The following FGGY variants were observed in gnomAD, a reference collection of about 807,000 sequenced individuals.
FGGY encodes FGGY carbohydrate kinase domain containing.
FGGY carries 72 observed loss-of-function variants against 71.3 expected under a neutral mutation model. The observed-to-expected ratio is 1.01, with a 90% confidence interval of 0.84 to 1.23. The LOEUF (loss-of-function observed/expected upper bound fraction) is 1.23, where lower values mean the gene tolerates loss of function less well. Among genes scored for constraint, FGGY ranks in the 50% most tolerant of loss-of-function variants. The probability of loss-of-function intolerance (pLI) is 0.00; values close to 1 mark genes in which losing one functional copy is unlikely to be tolerated. For missense variants in FGGY, 668 were observed against 682.3 expected, an observed-to-expected ratio of 0.98 and a Z score of 0.23; for synonymous variants, 251 against 250.3, an observed-to-expected ratio of 1.00 and a Z score of -0.02.
intron 1 of FGGY, chr1:59,316,079 T>C (rs1180392751): frequency 6.6e-6 from 1 of 152,202 alleles, no homozygotes; most frequent in Non-Finnish European, 1.5e-5. Flanking sequence ...TGGTATTCAG[T>C]CATTTCTATT....
intron 7 of FGGY, among the ~76,000 whole-genome samples, chr1:59,515,120 A>C (rs1028531774): frequency 6.6e-6 from 1 of 152,114 alleles, no homozygotes; most frequent in African/African-American, 2.4e-5. Context: ...GCAAAGCCAC[A>C]GAGGCAGCGC....
At chr1:59,344,713 C>A (rs1381398070) in intron 3 of FGGY, among the ~76,000 whole-genome samples, 1 of 152,226 alleles carries the variant, frequency 6.6e-6, no homozygotes, top group East Asian at 1.9e-4. Flanking sequence ...CAGATAATCT[C>A]TAGGTTACTT....
At chr1:59,342,135 G>T (rs1372081826) in intron 3 of FGGY, among the ~76,000 whole-genome samples, 1 of 152,038 alleles carries the variant, frequency 6.6e-6, no homozygotes, top group Non-Finnish European at 1.5e-5. Context: ...TTTTTATTCT[G>T]GCTGTGCATT....
intron 9 of FGGY, among the ~76,000 whole-genome samples, chr1:59,612,017 G>C (rs1200112006): frequency 1.3e-5 from 2 of 152,176 alleles, no homozygotes; most frequent in African/African-American, 2.4e-5. Flanking sequence ...CCAAATCTAC[G>C]TCTGATTAGT....
At chr1:59,390,119 T>C (rs2060524002) in intron 5 of FGGY, among the ~76,000 whole-genome samples, 1 of 152,180 alleles carries the variant, frequency 6.6e-6, no homozygotes, top group South Asian at 2.1e-4. Context: ...GCTTATTTTT[T>C]AGTATATTTA....
intron 7 of FGGY, among the ~76,000 whole-genome samples, chr1:59,539,908 A>G (rs2095413392): frequency 6.6e-6 from 1 of 152,234 alleles, no homozygotes; most frequent in Admixed American, 6.5e-5. Flanking sequence ...GAAAAGAACA[A>G]TTATTTTGAC....
chr1:59,490,164 C>T (rs901619901), intron 6 of FGGY, among the ~76,000 whole-genome samples: 1 of 152,116 alleles, frequency 6.6e-6, no homozygotes, highest in Non-Finnish European at 1.5e-5. Flanking sequence ...GATCTTCCCA[C>T]CTCAGCTTCC....
At chr1:59,567,022 T>A (rs573564166) in intron 8 of FGGY, among the ~76,000 whole-genome samples, 134 of 152,244 alleles carry the variant, frequency 8.8e-4, no homozygotes, top group African/African-American at 3.1e-3. Context: ...CGTTAAATAA[T>A]AGATATATAC....
At chr1:59,670,991 G>A (rs1027028490) in intron 13 of FGGY, among the ~76,000 whole-genome samples, 17 of 152,122 alleles carry the variant, frequency 1.1e-4, no homozygotes, top group Non-Finnish European at 1.6e-4. Flanking sequence ...TTCAGTAGGG[G>A]TTTCCCTCTT....
chr1:59,477,991 G>A lies in FGGY; in HGVS notation c.670+20915G>A, dbSNP rs1374712981. On this transcript the variant is annotated intron_variant, in intron 6 of 15. Transcript: ENST00000303721. Reference sequence around the variant, plus strand: ...GAGTAATGGAAATAACATGAGTTTTGGAGCCAGATATACATGAGTTTGAAT... The same window carrying A: ...GAGTAATGGAAATAACATGAGTTTTAGAGCCAGATATACATGAGTTTGAAT... 5.3e-5 allele frequency among the ~76,000 whole-genome samples: 8 copies of A among 152,056 alleles called. No homozygotes were observed. The East Asian group carries it at 1.4e-3, about 26-fold the overall frequency.
intron 5 of FGGY, among the ~76,000 whole-genome samples, chr1:59,437,804 GAACT>G (rs1420571398): frequency 6.6e-6 from 1 of 152,190 alleles, no homozygotes; most frequent in African/African-American, 2.4e-5. Context: ...TGGGTTAAGG[GAACT>G]AACTGTTTTG....
intron 11 of FGGY, among the ~76,000 whole-genome samples, chr1:59,639,038 G>T (rs1441314351): frequency 6.6e-6 from 1 of 152,144 alleles, no homozygotes; most frequent in Admixed American, 6.5e-5. Flanking sequence ...GAGGTGTGAT[G>T]AAGCAGGTTA....
intron 11 of FGGY, among the ~76,000 whole-genome samples, chr1:59,651,170 A>G (rs2153933462): frequency 6.6e-6 from 1 of 152,094 alleles, no homozygotes; most frequent in South Asian, 2.1e-4. Flanking sequence ...TTTACTTCCA[A>G]CTATGTGGTC....
At chr1:59,744,272 G>A (rs974389266) in intron 14 of FGGY, among the ~76,000 whole-genome samples, 1 of 152,234 alleles carries the variant, frequency 6.6e-6, no homozygotes, top group Non-Finnish European at 1.5e-5. Context: ...CCAGGCTGGA[G>A]TGCAGTGGCA....
intron 5 of FGGY, among the ~76,000 whole-genome samples, chr1:59,421,014 T>C: frequency 6.8e-6 from 1 of 147,942 alleles, no homozygotes; most frequent in South Asian, 2.1e-4. Context: ...ATCATTAATT[T>C]AAAAAAAAAA....
At position 59,378,452 on chromosome 1, in the gene FGGY, G is replaced by A. The variant is rs551181283; in HGVS notation, c.466-297G>A. ...TTTTTCTTTAAAATTACCCAGTCTCGGGTATGTCTTTATCAGCAGTGTGAA... is the reference window on the plus strand; with the variant it reads ...TTTTTCTTTAAAATTACCCAGTCTCAGGTATGTCTTTATCAGCAGTGTGAA... On this transcript the variant is annotated intron_variant, in intron 4 of 15. Coordinates refer to ENST00000303721, the MANE Select transcript of FGGY (RefSeq NM_018291.5). Among the ~76,000 whole-genome samples the A allele has an allele frequency of 6.6e-5, 10 of 152,054 alleles. No individual in the cohort carries two copies. The East Asian group carries it at 1.7e-3, about 26-fold the overall frequency.
intron 6 of FGGY, among the ~76,000 whole-genome samples, chr1:59,504,371 G>A (rs2094321880): frequency 8.3e-6 from 1 of 120,048 alleles, no homozygotes; most frequent in African/African-American, 4.0e-5. Flanking sequence ...CAGTAGTTCA[G>A]AAGTTGTGGA....
chr1:59,436,526 G>T (rs1238723757), intron 5 of FGGY, among the ~76,000 whole-genome samples: 1 of 152,158 alleles, frequency 6.6e-6, no homozygotes, highest in African/African-American at 2.4e-5. Flanking sequence ...GCCCTGGCTC[G>T]TTAGGTAGGA....
intron 14 of FGGY, among the ~76,000 whole-genome samples, chr1:59,747,722 A>G (rs1476335906): frequency 6.6e-6 from 1 of 152,212 alleles, no homozygotes; most frequent in Non-Finnish European, 1.5e-5. Flanking sequence ...CAGTCATTCT[A>G]TACATCAGTG....
Sources: gnomAD v4.1 joint callset for allele counts (sites outside exome capture counted in the v4.1 genomes callset) on GRCh38, gnomAD v4.1.1 for gene constraint, MANE v1.5 for transcripts, NCBI Gene and HGNC (gene_info 2026-07-23, HGNC 2026-07-21) for gene names.